The following ELAVL4 variants were observed in gnomAD, a reference collection of about 807,000 sequenced individuals.
ELAVL4 encodes ELAV like RNA binding protein 4, also known as ELAV-like protein 4.
In ELAVL4, 1 loss-of-function variant was observed where a neutral mutation model predicts 35.6. The ratio of observed to expected loss-of-function variants is 0.03; its 90% CI spans 0.01 to 0.13. The LOEUF is 0.13. Among genes scored for constraint, ELAVL4 ranks in the 10% least tolerant of loss-of-function variants. ELAVL4 has a pLI of 1.00. For missense variants in ELAVL4, 267 were observed against 464.9 expected (o/e 0.57, Z 3.91); for synonymous variants, 156 against 171.0 (o/e 0.91, Z 0.69).
chr1:50,087,796 C>A (rs1401017565), intron 1 of ELAVL4, among the ~76,000 whole-genome samples: 2 of 152,176 alleles, frequency 1.3e-5, no homozygotes, highest in Non-Finnish European at 2.9e-5. Flanking sequence ...AAGGCAGTCA[C>A]CTGCAAACTA....
chr1:50,117,683 C>T (rs1245098477), intron 1 of ELAVL4, among the ~76,000 whole-genome samples: 4 of 152,102 alleles, frequency 2.6e-5, no homozygotes, highest in Non-Finnish European at 5.9e-5. Flanking sequence ...ATTGAAGGTG[C>T]TTTGAGGGTG....
At chr1:50,092,299 A>T (rs1665530180) in intron 1 of ELAVL4, among the ~76,000 whole-genome samples, 1 of 152,198 alleles carries the variant, frequency 6.6e-6, no homozygotes, top group African/African-American at 2.4e-5. Flanking sequence ...GCTGAATCTT[A>T]TAGGTGTATG....
intron 3 of ELAVL4, among the ~76,000 whole-genome samples, chr1:50,192,370 G>A (rs1314795200): frequency 1.3e-5 from 2 of 152,188 alleles, no homozygotes; most frequent in Non-Finnish European, 2.9e-5. Flanking sequence ...TGAGGGTTCT[G>A]CTCATCCTTC....
chr1:50,196,403 T>TA (rs1644062173), intron 5 of ELAVL4, among the ~76,000 whole-genome samples: 1 of 152,222 alleles, frequency 6.6e-6, no homozygotes, highest in South Asian at 2.1e-4. Context: ...CTGGGACTTT[T>TA]CTAAAAGACA....
chr1:50,105,205 T>C (rs181261242), upstream of ELAVL4, among the ~76,000 whole-genome samples: 189 of 152,360 alleles, frequency 1.2e-3, 1 homozygote, highest in African/African-American at 4.3e-3. Flanking sequence ...CCATCTTGTA[T>C]GTGCTTCATC....
In ELAVL4 at chr1:50,199,730, G is replaced by T. The variant is rs184729749; in HGVS notation, c.774-1121G>T. Among the ~76,000 whole-genome samples the T allele has an allele frequency of 8.9e-3, 1,318 of 148,194 alleles. 28 individuals carry two copies. The highest frequency in any genetic ancestry group is 0.032 in the African/African-American group (1,257 of 39,814). ...CTCAAAAAAAAAAGAAAGAAAGAAA[G>T]AAAGAAAAAAAAAGAAAAAAGTCCC... On this transcript the variant is annotated intron_variant, in intron 6 of 6. Transcript: ENST00000371824.
chr1:50,074,147 G>C (rs1664659869), intron 1 of ELAVL4, among the ~76,000 whole-genome samples: 1 of 152,194 alleles, frequency 6.6e-6, no homozygotes, highest in South Asian at 2.1e-4. Flanking sequence ...TGCTTCTCTA[G>C]TTTATGGCTA....
At chr1:50,113,145 A>G (rs1362988370) in intron 1 of ELAVL4, among the ~76,000 whole-genome samples, 1 of 151,932 alleles carries the variant, frequency 6.6e-6, no homozygotes, top group Non-Finnish European at 1.5e-5. Flanking sequence ...CTCTAAAAGG[A>G]CTTGTGGATG....
intron 1 of ELAVL4, among the ~76,000 whole-genome samples, chr1:50,065,015 T>G (rs866414279): frequency 1.3e-5 from 2 of 152,026 alleles, no homozygotes; most frequent in Non-Finnish European, 2.9e-5. Context: ...CGGCTGGCAA[T>G]TAAGCCTTAA....
intron 2 of ELAVL4, among the ~76,000 whole-genome samples, chr1:50,155,807 A>C (rs1675628075): frequency 6.6e-6 from 1 of 152,166 alleles, no homozygotes; most frequent in African/African-American, 2.4e-5. Flanking sequence ...GCTGGACAAC[A>C]AACAGGAAAC....
chr1:50,143,023 A>G (rs1673086381), intron 1 of ELAVL4, among the ~76,000 whole-genome samples: 1 of 152,226 alleles, frequency 6.6e-6, no homozygotes, highest in Non-Finnish European at 1.5e-5. Flanking sequence ...GAGTCCATGT[A>G]TATAAAGGTA....
At chr1:50,061,097 C>T (rs1033486537) in intron 1 of ELAVL4, among the ~76,000 whole-genome samples, 1 of 152,172 alleles carries the variant, frequency 6.6e-6, no homozygotes, top group Non-Finnish European at 1.5e-5. Context: ...TCAAGTTCAC[C>T]AGCATGGATT....
intron 1 of ELAVL4, among the ~76,000 whole-genome samples, chr1:50,133,603 G>GAAAGAA (rs1671278329): frequency 1.2e-5 from 1 of 86,170 alleles, no homozygotes; most frequent in Non-Finnish European, 2.2e-5. Flanking sequence ...AGAAAGAAAA[G>GAAAGAA]AAAGAAAGAA....
intron 1 of ELAVL4, among the ~76,000 whole-genome samples, chr1:50,069,488 A>T (rs1237005879): frequency 6.6e-6 from 1 of 152,180 alleles, no homozygotes; most frequent in Non-Finnish European, 1.5e-5. Context: ...TTGATTTAGA[A>T]TCATTCATGG....
chr1:50,093,162 G>C (rs1665566755), intron 1 of ELAVL4, among the ~76,000 whole-genome samples: 2 of 152,174 alleles, frequency 1.3e-5, no homozygotes. Flanking sequence ...AGAGAGAATA[G>C]CTTGGGCAAA....
At chr1:50,059,722 TGG>T (rs2148475900) in intron 1 of ELAVL4, among the ~76,000 whole-genome samples, 1 of 151,900 alleles carries the variant, frequency 6.6e-6, no homozygotes, top group East Asian at 1.9e-4. Flanking sequence ...TGTCCATGAA[TGG>T]ATGAATGCAT....
chr1:50,131,512 G>A (rs746125822), intron 1 of ELAVL4, among the ~76,000 whole-genome samples: 15 of 151,906 alleles, frequency 9.9e-5, no homozygotes, highest in Non-Finnish European at 1.9e-4. Context: ...ACAATGGGCC[G>A]AGTGCGGTGA....
Position 50,128,395 on chromosome 1 carries a change from G to A in ELAVL4, c.10-16562G>A, listed in dbSNP as rs376585705. ...GCAAAGTGGTGATGAACAGGCAAGG[G>A]AAGCAGATTTGGCTATAGAAAGCAG... On this transcript the variant is annotated intron_variant, in intron 1 of 6. Transcript: ENST00000371824. Among the ~76,000 whole-genome samples the A allele has an allele frequency of 3.2e-4, 49 of 152,258 alleles. 1 individual carries two copies. In the South Asian group the frequency reaches 7.7e-3, roughly 24 times the overall value.
chr1:50,167,037 G>A (rs935849302), intron 2 of ELAVL4, among the ~76,000 whole-genome samples: 2 of 152,170 alleles, frequency 1.3e-5, no homozygotes, highest in African/African-American at 4.8e-5. Flanking sequence ...GGTGAGTGGT[G>A]CCACTTCCAC....
Sources: allele counts gnomAD v4.1 joint callset (sites outside exome capture counted in the v4.1 genomes callset), GRCh38; gene constraint gnomAD v4.1.1; transcripts MANE v1.5; gene names NCBI Gene and HGNC (gene_info 2026-07-23, HGNC 2026-07-21).